The following TRPC5 variants were observed in gnomAD, a reference collection of about 807,000 sequenced individuals.
TRPC5 encodes short transient receptor potential channel 5.
In TRPC5, 9 loss-of-function variants were observed where a neutral mutation model predicts 56.5. That is an observed-to-expected ratio of 0.16 (90% CI 0.10 to 0.28). The LOEUF is 0.28. Among genes scored for constraint, TRPC5 ranks in the 10% least tolerant of loss-of-function variants. The probability of loss-of-function intolerance (pLI) is 1.00; values close to 1 mark genes in which losing one functional copy is unlikely to be tolerated. For synonymous variants in TRPC5, 282 were observed against 278.5 expected, an observed-to-expected ratio of 1.01 and a Z score of -0.13; for missense variants, 469 against 748.9, an observed-to-expected ratio of 0.63 and a Z score of 4.36.
chrX:112,018,031 G>C (rs1236000045), intron 1 of TRPC5, among the ~76,000 whole-genome samples: 1 of 112,346 alleles, frequency 8.9e-6, no homozygotes, highest in Non-Finnish European at 1.9e-5. Flanking sequence ...ATGATATTTT[G>C]GATACAGTGG....
At chrX:111,929,412 A>T (rs767398816) in intron 2 of TRPC5, among the ~76,000 whole-genome samples, 2 of 112,709 alleles carry the variant, frequency 1.8e-5, no homozygotes, top group Admixed American at 1.9e-4. Context: ...TTCTGAGGCT[A>T]GAGATTAATA....
chrX:111,946,118 G>A (rs779743186), intron 2 of TRPC5, among the ~76,000 whole-genome samples: 1 of 112,288 alleles, frequency 8.9e-6, no homozygotes, highest in Non-Finnish European at 1.9e-5. Context: ...CATGTTGGGG[G>A]TTAGAGGGAG....
chrX:111,944,312 G>A (rs887903780), intron 2 of TRPC5, among the ~76,000 whole-genome samples: 26 of 103,691 alleles, frequency 2.5e-4, no homozygotes, highest in African/African-American at 8.6e-4. Context: ...GTGAGAGAGA[G>A]AGAGAGAGAG....
At chrX:111,863,615 A>G (rs188670437) in intron 3 of TRPC5, among the ~76,000 whole-genome samples, 3 of 111,702 alleles carry the variant, frequency 2.7e-5, no homozygotes, top group East Asian at 5.6e-4. Flanking sequence ...TCTTTTTCTT[A>G]CCTAATTGAC....
intron 1 of TRPC5, among the ~76,000 whole-genome samples, chrX:112,045,646 CATT>C (rs1929999102): frequency 8.9e-6 from 1 of 111,798 alleles, no homozygotes; most frequent in Admixed American, 9.5e-5. Flanking sequence ...AAGGAGTAAT[CATT>C]ATAACTTGAT....
intron 7 of TRPC5, among the ~76,000 whole-genome samples, chrX:111,831,395 G>A (rs914395161): frequency 8.0e-5 from 9 of 112,247 alleles, no homozygotes; most frequent in African/African-American, 2.3e-4. Flanking sequence ...TCTGAGGTTG[G>A]TCCTAGATGA....
chrX:112,002,412 C>T (rs1016235010), intron 1 of TRPC5, among the ~76,000 whole-genome samples: 20 of 111,815 alleles, frequency 1.8e-4, no homozygotes, highest in Non-Finnish European at 3.4e-4. Context: ...ACTCAGTCTC[C>T]TACTGAGTAG....
Position 111,773,414 on chromosome X carries a change from G to A in TRPC5, c.*2899C>T, listed in dbSNP as rs776518341. On this transcript the variant is annotated 3_prime_UTR_variant, in exon 11 of 11. Transcript: ENST00000262839. ...GAAGTGATAAGCCAACTGTAATGTA[G>A]GTGGAACATGATATGGATATTTTAG... 9.0e-6 allele frequency among the ~76,000 whole-genome samples: 1 copy of A among 111,665 alleles called. No homozygotes were observed. Among genetic ancestry groups the A allele is most frequent in the South Asian group, 3.7e-4 (1 of 2,684 alleles).
chrX:111,944,315 A>T (rs1259839003), intron 2 of TRPC5, among the ~76,000 whole-genome samples: 7 of 95,358 alleles, frequency 7.3e-5, no homozygotes, highest in East Asian at 3.0e-4. Flanking sequence ...AGAGAGAGAG[A>T]GAGAGAGAGA....
intron 1 of TRPC5, among the ~76,000 whole-genome samples, chrX:111,984,008 A>G (rs888617305): frequency 9.0e-6 from 1 of 110,681 alleles, no homozygotes; most frequent in Non-Finnish European, 1.9e-5. Flanking sequence ...TGATGAAGTG[A>G]CCCCCAACTT....
chrX:112,065,710 G>A (rs777786927), intron 1 of TRPC5, among the ~76,000 whole-genome samples: 18 of 111,169 alleles, frequency 1.6e-4, no homozygotes, highest in African/African-American at 5.9e-4. Context: ...GGCCAACATG[G>A]CGAAAACTCA....
chrX:111,820,518 C>A (rs1033452884), intron 7 of TRPC5, among the ~76,000 whole-genome samples: 1 of 112,032 alleles, frequency 8.9e-6, no homozygotes, highest in Non-Finnish European at 1.9e-5. Flanking sequence ...TGAAATTATA[C>A]AAATTTCAAA....
At chrX:111,960,146 C>A (rs2148642014) in intron 1 of TRPC5, among the ~76,000 whole-genome samples, 1 of 112,293 alleles carries the variant, frequency 8.9e-6, no homozygotes, top group East Asian at 2.8e-4. Flanking sequence ...ACATTTTCAT[C>A]ATTGTGGAAA....
intron 1 of TRPC5, among the ~76,000 whole-genome samples, chrX:112,038,934 C>A (rs1929825491): frequency 2.8e-5 from 3 of 107,116 alleles, no homozygotes; most frequent in South Asian, 4.3e-4. Context: ...TCGTGATCTG[C>A]CCACTTTGGC....
chrX:111,988,316 A>G (rs1928265173), intron 1 of TRPC5, among the ~76,000 whole-genome samples: 1 of 110,659 alleles, frequency 9.0e-6, no homozygotes, highest in Non-Finnish European at 1.9e-5. Flanking sequence ...TAGGTGCCAT[A>G]TGCCTGTCAG....
At chrX:111,965,332 T>G (rs1365914152) in intron 1 of TRPC5, among the ~76,000 whole-genome samples, 2 of 111,858 alleles carry the variant, frequency 1.8e-5, no homozygotes, top group Admixed American at 9.5e-5. Context: ...AGCAAGTCCT[T>G]AGTGACCAAC....
intron 2 of TRPC5, among the ~76,000 whole-genome samples, chrX:111,942,172 C>T (rs1272399626): frequency 2.7e-5 from 3 of 110,569 alleles, no homozygotes; most frequent in African/African-American, 1.0e-4. Flanking sequence ...TTGTTGTTTT[C>T]GTACTTTTTG....
chrX:111,864,738 C>T (rs932215827), intron 3 of TRPC5, among the ~76,000 whole-genome samples: 1 of 112,012 alleles, frequency 8.9e-6, no homozygotes. Context: ...AGTAAATGCT[C>T]CTCTGATCGT....
At chrX:111,982,389 C>T (rs779855363) in intron 1 of TRPC5, among the ~76,000 whole-genome samples, 1 of 111,540 alleles carries the variant, frequency 9.0e-6, no homozygotes, top group African/African-American at 3.3e-5. Context: ...CAGCTGGTCA[C>T]GGTTGTTTAT....
Sources: allele counts gnomAD v4.1 joint callset (sites outside exome capture counted in the v4.1 genomes callset), GRCh38; gene constraint gnomAD v4.1.1; transcripts MANE v1.5; gene names NCBI Gene and HGNC (gene_info 2026-07-23, HGNC 2026-07-21).